The following HIF1A variants were observed in gnomAD, a reference collection of about 807,000 sequenced individuals.
The protein encoded by HIF1A is hypoxia inducible factor 1 subunit alpha, also known as hypoxia-inducible factor 1-alpha.
A neutral mutation model predicts 92.7 loss-of-function variants in HIF1A; 24 were observed. The observed-to-expected ratio is 0.26, with a 90% CI of 0.19 to 0.36. The LOEUF (loss-of-function observed/expected upper bound fraction) is 0.36, where lower values mean the gene tolerates loss of function less well. Ranked by LOEUF, HIF1A falls within the 10% of genes least tolerant of loss-of-function variation. HIF1A has a pLI of 1.00. For missense variants in HIF1A, 799 were observed against 998.5 expected, an observed-to-expected ratio of 0.80 and a Z score of 2.69; for synonymous variants, 319 against 338.7, an observed-to-expected ratio of 0.94 and a Z score of 0.64.
At chr14:61,696,753 C>T (rs1271497966) in intron 1 of HIF1A, among the ~76,000 whole-genome samples, 1 of 152,142 alleles carries the variant, frequency 6.6e-6, no homozygotes, top group Non-Finnish European at 1.5e-5. Context: ...TGAAATGCGG[C>T]ACTAAAATGT....
chr14:61,734,172 C>A lies in HIF1A; in HGVS notation c.915C>A (p.Tyr305Ter). ...AAGGACAAGTCACCACAGGACAGTA[C>A]AGGATGCTTGCCAAAAGAGGTGGAT... ...FTKGQVTTGQ[Y>*]RMLAKRGGYV... is the part of the protein sequence containing the mutation. Residue 305 changes from tyrosine to a stop codon, truncating the protein, a stop_gained, in exon 8 of 15, where the codon TAC (tyrosine) becomes TAA (stop). Coordinates refer to ENST00000337138, the MANE Select transcript of HIF1A (RefSeq NM_001530.4). LOFTEE classifies it high-confidence loss of function. 1 of 1,612,486 alleles carries A rather than the reference C, an allele frequency of 6.2e-7. No homozygotes were observed. Among genetic ancestry groups the A allele is most frequent in the Non-Finnish European group, 8.5e-7 (1 of 1,178,806 alleles).
At chr14:61,718,076 A>C (rs763684160) in intron 1 of HIF1A, among the ~76,000 whole-genome samples, 1 of 151,864 alleles carries the variant, frequency 6.6e-6, no homozygotes, top group Non-Finnish European at 1.5e-5. Context: ...TTTTTCACCA[A>C]GTGTTTCATT....
intron 6 of HIF1A, among the ~76,000 whole-genome samples, chr14:61,730,671 A>C (rs1376070117): frequency 1.3e-5 from 2 of 152,170 alleles, no homozygotes; most frequent in African/African-American, 4.8e-5. Flanking sequence ...GATTCCATGG[A>C]ATAGATTCTC....
chr14:61,696,040 G>A (rs1295296808), intron 1 of HIF1A, among the ~76,000 whole-genome samples: 1 of 152,180 alleles, frequency 6.6e-6, no homozygotes, highest in East Asian at 1.9e-4. Flanking sequence ...TTGTCGTGGG[G>A]GGTGGGAGAC....
In HIF1A at chr14:61,741,011, T is replaced by C. The variant is rs749918683; in HGVS notation, c.1916T>C (p.Ile639Thr). Residue 639 changes from isoleucine to threonine, a missense_variant, in exon 12 of 15, where the codon ATT becomes ACT. Ile to Thr is a moderately conservative substitution (Grantham distance 89). Around this residue, in one of 2 missense-constraint regions of HIF1A, gnomAD observed 283 missense variants for 277.5 expected, o/e 1.02. Coordinates refer to ENST00000337138, the MANE Select transcript of HIF1A (RefSeq NM_001530.4). ...KDRMEDIKIL[I>T]ASPSPTHIHK... ...CGTATGGAAGACATTAAAATATTGA[T>C]TGCATCTCCATCTCCTACCCACATA... 3 of 1,614,082 alleles carry C rather than the reference T, an allele frequency of 1.9e-6. No individual in the cohort carries two copies. The highest frequency in any genetic ancestry group is 1.7e-5 in the Admixed American group (1 of 60,020).
intron 1 of HIF1A, among the ~76,000 whole-genome samples, chr14:61,705,232 T>C (rs1434041351): frequency 6.6e-6 from 1 of 152,146 alleles, no homozygotes; most frequent in Non-Finnish European, 1.5e-5. Flanking sequence ...TAGTGGTCAT[T>C]TGGTAACAGT....
chr14:61,697,653 G>A, intron 1 of HIF1A: 1 of 1,164,298 alleles, frequency 8.6e-7, no homozygotes, highest in Non-Finnish European at 1.1e-6. Flanking sequence ...GGATTGGATG[G>A]ATTCATATTT....
intron 1 of HIF1A, among the ~76,000 whole-genome samples, chr14:61,716,170 T>A (rs1282284133): frequency 6.6e-6 from 1 of 152,188 alleles, no homozygotes; most frequent in Non-Finnish European, 1.5e-5. Flanking sequence ...ATTAAAAAGA[T>A]GCGTAATATA....
At chr14:61,746,890 T>A in intron 14 of HIF1A, 44 bp from the exon 15 acceptor site, 1 of 1,452,792 alleles carries the variant, frequency 6.9e-7, no homozygotes, top group East Asian at 2.3e-5. Flanking sequence ...TAAATATTCA[T>A]TGACTAGATG....
rs1469831357 is a variant in HIF1A at position 61,695,762 on chromosome 14, T to TG, written c.-38dup. The TG allele has an allele frequency of 6.4e-7, 1 of 1,565,584 alleles. No individual in the cohort carries two copies. The highest frequency in any genetic ancestry group is 1.9e-5 in the Admixed American group (1 of 51,882). On this transcript the variant is annotated 5_prime_UTR_variant, in exon 1 of 15. Coordinates refer to ENST00000337138, the MANE Select transcript of HIF1A (RefSeq NM_001530.4). ...GCCAGCGCTTAGGCCGGAGCGAGCC[T>TG]GGGGGCCGCCCGCCGTGAAGACATC...
chr14:61,697,345 G>A (rs2044128170), intron 1 of HIF1A, among the ~76,000 whole-genome samples: 1 of 152,158 alleles, frequency 6.6e-6, no homozygotes, highest in Admixed American at 6.5e-5. Flanking sequence ...TTGATGAAAT[G>A]ATAAAGCTGC....
chr14:61,739,299 G>T (rs997647833), intron 10 of HIF1A, among the ~76,000 whole-genome samples: 5 of 152,060 alleles, frequency 3.3e-5, no homozygotes, highest in African/African-American at 1.2e-4. Context: ...TAAAGGCTAG[G>T]CTGGCCAAGA....
intron 1 of HIF1A, among the ~76,000 whole-genome samples, chr14:61,708,435 A>G (rs2044268288): frequency 6.6e-6 from 1 of 152,188 alleles, no homozygotes; most frequent in Non-Finnish European, 1.5e-5. Flanking sequence ...TTATGGTTTT[A>G]GGTCTAACAT....
chr14:61,725,629 G>A (rs1392598270), intron 4 of HIF1A, among the ~76,000 whole-genome samples: 1 of 152,094 alleles, frequency 6.6e-6, no homozygotes, highest in African/African-American at 2.4e-5. Flanking sequence ...TGGCCAGCAT[G>A]GTCTCAAACT....
At chr14:61,702,905 TTACATC>T (rs1453291081) in intron 1 of HIF1A, among the ~76,000 whole-genome samples, 2 of 152,178 alleles carry the variant, frequency 1.3e-5, no homozygotes, top group Non-Finnish European at 2.9e-5. Flanking sequence ...TTTAAAAAAT[TTACATC>T]TACATTTTTT....
At chr14:61,728,278 C>T (rs2044532684) in intron 6 of HIF1A, among the ~76,000 whole-genome samples, 1 of 152,056 alleles carries the variant, frequency 6.6e-6, no homozygotes, top group Non-Finnish European at 1.5e-5. Context: ...GATAGATTAC[C>T]TTAGGTTGGG....
chr14:61,733,686 A>G (rs1435010146), intron 7 of HIF1A, among the ~76,000 whole-genome samples: 1 of 152,240 alleles, frequency 6.6e-6, no homozygotes, highest in African/African-American at 2.4e-5. Flanking sequence ...TTTAATTTAA[A>G]TTGCCAAAAG....
At chr14:61,727,275 G>A (rs2044517542) in intron 5 of HIF1A, among the ~76,000 whole-genome samples, 178 bp from the exon 6 acceptor site, 1 of 152,162 alleles carries the variant, frequency 6.6e-6, no homozygotes, top group South Asian at 2.1e-4. Flanking sequence ...CAGGAAGTAG[G>A]TCATAGGTGG....
At chr14:61,713,591 A>G (rs146259241) in intron 1 of HIF1A, among the ~76,000 whole-genome samples, 99 of 152,248 alleles carry the variant, frequency 6.5e-4, no homozygotes, top group African/African-American at 2.3e-3. Flanking sequence ...ACTTCTCACT[A>G]TATTTCTAGT....
Sources: gnomAD v4.1 joint callset for allele counts (sites outside exome capture counted in the v4.1 genomes callset) on GRCh38, gnomAD v4.1.1 for gene constraint, gnomAD v4.1.1 regional missense constraint, MANE v1.5 for transcripts, NCBI Gene and HGNC (gene_info 2026-07-23, HGNC 2026-07-21) for gene names.